The following GRHL2 variants were observed in gnomAD, a reference collection of about 807,000 sequenced individuals.
GRHL2 encodes the protein grainyhead-like protein 2 homolog.
GRHL2 carries 21 observed loss-of-function variants against 83.8 expected under a neutral mutation model. The observed-to-expected ratio is 0.25, with a 90% CI of 0.18 to 0.36. GRHL2 has a LOEUF of 0.36. Ranked by LOEUF, GRHL2 falls within the 10% of genes least tolerant of loss-of-function variation. The pLI is 1.00. For missense variants in GRHL2, 623 were observed against 781.8 expected (o/e 0.80, Z 2.42); for synonymous variants, 280 against 278.9 (o/e 1.00, Z -0.04).
intron 1 of GRHL2, among the ~76,000 whole-genome samples, chr8:101,495,775 C>A (rs1810088630): frequency 1.3e-5 from 2 of 152,084 alleles, no homozygotes. Flanking sequence ...TGGAAAGCAA[C>A]TCATGGACAG....
chr8:101,642,461 C>T (rs910082601), intron 12 of GRHL2, among the ~76,000 whole-genome samples: 1 of 152,158 alleles, frequency 6.6e-6, no homozygotes, highest in Non-Finnish European at 1.5e-5. Flanking sequence ...GGCTATTTAC[C>T]TATGATTAAC....
At chr8:101,643,419 C>T (rs571530277) in intron 12 of GRHL2, among the ~76,000 whole-genome samples, 4 of 151,128 alleles carry the variant, frequency 2.6e-5, no homozygotes, top group East Asian at 3.9e-4. Context: ...TTAGGGCACC[C>T]GGGAGACTAA....
intron 8 of GRHL2, among the ~76,000 whole-genome samples, chr8:101,601,697 T>C (rs919158173): frequency 6.6e-6 from 1 of 152,238 alleles, no homozygotes; most frequent in Non-Finnish European, 1.5e-5. Context: ...ATATTTTAAG[T>C]GATTATTACT....
intron 7 of GRHL2, among the ~76,000 whole-genome samples, chr8:101,595,065 C>T (rs1024039936): frequency 1.5e-4 from 23 of 152,286 alleles, no homozygotes; most frequent in Non-Finnish European, 7.4e-5. Flanking sequence ...TATTTATATT[C>T]TGTCTCTAGG....
chr8:101,532,225 T>C (rs1810942877), intron 1 of GRHL2, among the ~76,000 whole-genome samples: 1 of 152,248 alleles, frequency 6.6e-6, no homozygotes, highest in African/African-American at 2.4e-5. Context: ...ATTGGTTCAT[T>C]AATTTCCATT....
chr8:101,512,916 G>A (rs1446032823), intron 1 of GRHL2, among the ~76,000 whole-genome samples: 1 of 152,148 alleles, frequency 6.6e-6, no homozygotes. Context: ...GCACAGAGGG[G>A]CTCTGGTGAA....
intron 1 of GRHL2, among the ~76,000 whole-genome samples, chr8:101,526,489 T>C (rs1170479238): frequency 1.3e-5 from 2 of 151,506 alleles, no homozygotes; most frequent in African/African-American, 2.4e-5. Context: ...TTATCAGTAG[T>C]GGTGGATGCA....
intron 7 of GRHL2, among the ~76,000 whole-genome samples, chr8:101,587,542 C>G (rs1812193205): frequency 6.6e-6 from 1 of 152,096 alleles, no homozygotes; most frequent in African/African-American, 2.4e-5. Context: ...TTGTTTTTCC[C>G]CTAACCGGTG....
rs34328475 is a variant in GRHL2, at chr8:101,640,303, G to T, written c.1517+3375G>T. On this transcript the variant is annotated intron_variant, in intron 12 of 15. Coordinates refer to ENST00000646743, the MANE Select transcript of GRHL2 (RefSeq NM_024915.4). ...AATGTATAGAATGTCCTGACACACAGAATTTGATTTTTTTTTAAATCATAG... is the reference window on the plus strand; with the variant it reads ...AATGTATAGAATGTCCTGACACACATAATTTGATTTTTTTTTAAATCATAG... Among the ~76,000 whole-genome samples the T allele has an allele frequency of 1.8e-4, 27 of 152,060 alleles. No homozygotes were observed. In the South Asian group the frequency reaches 5.4e-3, roughly 30 times the overall value.
At chr8:101,546,962 C>A (rs1158436648) in intron 2 of GRHL2, among the ~76,000 whole-genome samples, 1 of 152,202 alleles carries the variant, frequency 6.6e-6, no homozygotes, top group Admixed American at 6.5e-5. Context: ...ATTAATATTT[C>A]CAAGACTGTG....
chr8:101,675,313 T>A, the GRHL2 span, among the ~76,000 whole-genome samples: 3 of 152,072 alleles, frequency 2.0e-5, no homozygotes, highest in Non-Finnish European at 4.4e-5. Flanking sequence ...GAAAACCCCA[T>A]CGTCTCAGCT....
rs371618740 is a variant in GRHL2 at position 101,494,024 on chromosome 8, T to G, written c.20+1235T>G. ...CCCTCCTCTCGGGCGCGTCCGGGCC[T>G]GGGAACTGGCTGCGTCCTATTGGAA... On this transcript the variant is annotated intron_variant, in intron 1 of 15. Coordinates refer to ENST00000646743, the MANE Select transcript of GRHL2 (RefSeq NM_024915.4). 2.0e-3 allele frequency among the ~76,000 whole-genome samples: 299 copies of G among 152,230 alleles called. 3 individuals are homozygous for G. Among genetic ancestry groups the G allele is most frequent in the African/African-American group, 6.7e-3 (279 of 41,570 alleles).
intron 2 of GRHL2, among the ~76,000 whole-genome samples, chr8:101,548,055 G>T (rs80166414): frequency 6.6e-6 from 1 of 152,196 alleles, no homozygotes; most frequent in East Asian, 1.9e-4. Context: ...TGAAAAATAG[G>T]CTTCCCTGGT....
At chr8:101,584,170 T>C (rs987614102) in intron 7 of GRHL2, among the ~76,000 whole-genome samples, 1 of 152,218 alleles carries the variant, frequency 6.6e-6, no homozygotes, top group African/African-American at 2.4e-5. Flanking sequence ...TATCAGGATT[T>C]ATTAGTTACA....
chr8:101,631,356 T>C (rs1813182434), intron 9 of GRHL2, among the ~76,000 whole-genome samples: 1 of 152,202 alleles, frequency 6.6e-6, no homozygotes, highest in African/African-American at 2.4e-5. Flanking sequence ...ATTCTTTCCA[T>C]ATGGATTCAA....
chr8:101,577,767 G>T (rs904711277), intron 7 of GRHL2, among the ~76,000 whole-genome samples: 1 of 152,216 alleles, frequency 6.6e-6, no homozygotes, highest in Non-Finnish European at 1.5e-5. Flanking sequence ...CATATAGTTA[G>T]ATTTGCAATG....
intron 9 of GRHL2, among the ~76,000 whole-genome samples, chr8:101,629,807 A>G (rs767685804): frequency 6.6e-6 from 1 of 152,152 alleles, no homozygotes; most frequent in Non-Finnish European, 1.5e-5. Flanking sequence ...TGAAGATCGT[A>G]TCTGCGCATT....
chr8:101,617,774 G>T (rs920663885), intron 8 of GRHL2, among the ~76,000 whole-genome samples: 25 of 152,116 alleles, frequency 1.6e-4, no homozygotes, highest in Non-Finnish European at 2.8e-4. Flanking sequence ...CAAAGTGCTG[G>T]GATTACAGGC....
At chr8:101,681,127 T>G in the GRHL2 span, among the ~76,000 whole-genome samples, 2 of 149,712 alleles carry the variant, frequency 1.3e-5, no homozygotes, top group African/African-American at 2.5e-5. Context: ...AAAAAATTAA[T>G]GAATCCAGGA....
Sources: gnomAD v4.1 joint callset for allele counts (sites outside exome capture counted in the v4.1 genomes callset) on GRCh38, gnomAD v4.1.1 for gene constraint, MANE v1.5 for transcripts, NCBI Gene and HGNC (gene_info 2026-07-23, HGNC 2026-07-21) for gene names.